LEKR1: variants seen among roughly 807,000 people sequenced by gnomAD.
LEKR1 encodes the protein leucine, glutamate and lysine rich 1.
Under a neutral mutation model 72.4 loss-of-function variants are expected in LEKR1, and 59 were observed. The ratio of observed to expected loss-of-function variants is 0.82; its 90% CI spans 0.66 to 1.01. LEKR1 has a LOEUF of 1.01. LEKR1 is among the 50% of genes least tolerant of loss of function. The probability of loss-of-function intolerance (pLI) is 0.00; values close to 1 mark genes in which losing one functional copy is unlikely to be tolerated. For missense variants in LEKR1, 728 were observed against 759.2 expected (o/e 0.96, Z 0.48); for synonymous variants, 257 against 263.2 (o/e 0.98, Z 0.23).
intron 3 of LEKR1, among the ~76,000 whole-genome samples, chr3:156,899,815 C>CGTATATATGTATATATATGTACATATGT (rs1560065194): frequency 6.8e-6 from 1 of 148,054 alleles, no homozygotes; most frequent in Non-Finnish European, 1.5e-5. Context: ...TACATATGTA[C>CGTATATATGTATATATATGTACATATGT]GTATATATGT....
intron 2 of LEKR1, among the ~76,000 whole-genome samples, chr3:156,844,998 G>T (rs993005430): frequency 4.7e-5 from 7 of 150,334 alleles, no homozygotes; most frequent in Non-Finnish European, 8.9e-5. Flanking sequence ...GAGTGATCCA[G>T]TTTCTCCACA....
At position 156,862,751 on chromosome 3, in the gene LEKR1, T is replaced by C. The variant is rs547437586; in HGVS notation, c.263+9769T>C. Among the ~76,000 whole-genome samples the C allele has an allele frequency of 1.4e-4, 21 of 152,180 alleles. No homozygotes were observed. The South Asian group carries it at 4.1e-3, about 30-fold the overall frequency. ...TATCCTAATCTCAGCTCTCCCACAA[T>C]TAATTCCAATTTAATTGGTGTTTTA... On this transcript the variant is annotated intron_variant, in intron 3 of 12. Coordinates refer to ENST00000356539, the MANE Select transcript of LEKR1 (RefSeq NM_001004316.3).
intron 7 of LEKR1, among the ~76,000 whole-genome samples, chr3:156,982,447 C>T (rs1306762513): frequency 2.6e-5 from 4 of 152,196 alleles, no homozygotes; most frequent in Non-Finnish European, 5.9e-5. Context: ...ACAGCATTCT[C>T]CTTATATTTC....
intron 3 of LEKR1, among the ~76,000 whole-genome samples, chr3:156,879,432 A>G (rs1328641208): frequency 6.6e-6 from 1 of 152,196 alleles, no homozygotes; most frequent in East Asian, 1.9e-4. Flanking sequence ...AAAGCATTCG[A>G]GAGGTTACTT....
chr3:156,871,029 A>G (rs534281276), intron 3 of LEKR1, among the ~76,000 whole-genome samples: 2 of 152,130 alleles, frequency 1.3e-5, no homozygotes, highest in East Asian at 3.9e-4. Context: ...ATATGTATAC[A>G]TGTGCCATGC....
chr3:156,979,270 G>T lies in LEKR1; in HGVS notation c.822G>T (p.Met274Ile), dbSNP rs200658547. ...AVTEMDNYKE[M>I]LMNKSNEADD... The stretch of plus-strand genomic sequence containing the variant: ...CAGAGATGGACAACTATAAAGAAAT[G>T]CTTATGTAAGATGGAGAATATTAAA... Residue 274 changes from methionine to isoleucine, a missense_variant, in exon 7 of 13, where the codon ATG becomes ATT. Coordinates refer to ENST00000356539, the MANE Select transcript of LEKR1 (RefSeq NM_001004316.3). 2.4e-6 allele frequency: 3 copies of T among 1,274,230 alleles called. No individual in the cohort carries two copies. The highest frequency in any genetic ancestry group is 2.5e-5 in the South Asian group (2 of 80,690). The allele number at this position is 1,274,230 out of a possible 1,614,324, so 78.9% of individuals were successfully genotyped here.
intron 12 of LEKR1, among the ~76,000 whole-genome samples, chr3:157,033,848 T>C (rs543658120): frequency 9.2e-5 from 14 of 152,294 alleles, no homozygotes; most frequent in Non-Finnish European, 2.1e-4. Context: ...TCTAATTCTC[T>C]CATTAGGAGA....
chr3:156,877,452 GT>G (rs1315607416), intron 3 of LEKR1, among the ~76,000 whole-genome samples: 3 of 151,900 alleles, frequency 2.0e-5, no homozygotes, highest in African/African-American at 4.8e-5. Context: ...TCCTGGATGT[GT>G]TTTTTTGTTG....
chr3:156,873,862 T>C lies in LEKR1; in HGVS notation c.263+20880T>C, dbSNP rs1436693029. Among the ~76,000 whole-genome samples, 6 of 152,112 alleles carry C rather than the reference T, an allele frequency of 3.9e-5. No homozygotes were observed. In the South Asian group the frequency reaches 1.0e-3, roughly 26 times the overall value. On this transcript the variant is annotated intron_variant, in intron 3 of 12. Coordinates refer to ENST00000356539, the MANE Select transcript of LEKR1 (RefSeq NM_001004316.3). The stretch of plus-strand genomic sequence containing the variant: ...GGCCCATAAAGTTTCTGCTGAGAAA[T>C]CTGCTATTAGTTTGATGGGGATTCC...
intron 3 of LEKR1, among the ~76,000 whole-genome samples, chr3:156,903,890 C>T (rs6795516): frequency 0.17 from 25,214 of 152,040 alleles, 2,492 homozygotes; most frequent in African/African-American, 0.26. Context: ...TCCACTTAGC[C>T]AGCTGGGTTG....
At position 157,021,705 on chromosome 3, in the gene LEKR1, A is replaced by T. The variant is rs528069789; in HGVS notation, c.1204-3055A>T. On this transcript the variant is annotated intron_variant, in intron 10 of 12. Coordinates refer to ENST00000356539, the MANE Select transcript of LEKR1 (RefSeq NM_001004316.3). ...CTACTAATTAACCACAGAAGATTTT[A>T]AAAAATACTTGATACCTTAGCACCT... Among the ~76,000 whole-genome samples the T allele has an allele frequency of 9.9e-4, 150 of 152,236 alleles. 1 individual carries two copies. The South Asian group carries it at 0.011, about 11-fold the overall frequency.
At chr3:157,007,612 A>G (rs1732563468) in intron 9 of LEKR1, among the ~76,000 whole-genome samples, 1 of 152,160 alleles carries the variant, frequency 6.6e-6, no homozygotes, top group Non-Finnish European at 1.5e-5. Context: ...CTGCCATTGA[A>G]ATGTGAGAGA....
intron 9 of LEKR1, among the ~76,000 whole-genome samples, chr3:156,996,116 T>G (rs896461029): frequency 1.3e-5 from 2 of 151,986 alleles, no homozygotes; most frequent in African/African-American, 2.4e-5. Flanking sequence ...GTACCCTGGG[T>G]ACATAGTACA....
intron 6 of LEKR1, among the ~76,000 whole-genome samples, chr3:156,962,873 T>G (rs1215229052): frequency 6.6e-6 from 1 of 152,186 alleles, no homozygotes; most frequent in Non-Finnish European, 1.5e-5. Flanking sequence ...TCCAACATCA[T>G]TTTCTTATTC....
intron 3 of LEKR1, among the ~76,000 whole-genome samples, chr3:156,893,134 G>A (rs28719920): frequency 0.039 from 5,867 of 152,238 alleles, 410 homozygotes; most frequent in African/African-American, 0.13. Context: ...TTGAAGAAAT[G>A]TAAAAGAAAT....
At chr3:156,914,405 CA>C (rs1723403018) in intron 3 of LEKR1, among the ~76,000 whole-genome samples, 1 of 152,132 alleles carries the variant, frequency 6.6e-6, no homozygotes, top group Non-Finnish European at 1.5e-5. Flanking sequence ...TGAGTGAGAA[CA>C]TGAGGTGTTT....
chr3:156,833,510 A>G (rs1712707072), intron 2 of LEKR1, among the ~76,000 whole-genome samples: 2 of 152,198 alleles, frequency 1.3e-5, no homozygotes, highest in South Asian at 4.1e-4. Context: ...ACTAAGTCAT[A>G]TTGAAATTAT....
chr3:156,886,108 ACT>A (rs1278962934), intron 3 of LEKR1, among the ~76,000 whole-genome samples: 1 of 150,842 alleles, frequency 6.6e-6, no homozygotes, highest in East Asian at 2.0e-4. Context: ...CTGGGTTCAG[ACT>A]CTTCATGGGT....
At chr3:157,013,924 T>C (rs1228615718) in intron 10 of LEKR1, among the ~76,000 whole-genome samples, 2 of 152,132 alleles carry the variant, frequency 1.3e-5, no homozygotes, top group Non-Finnish European at 2.9e-5. Context: ...GTGTCTGTGC[T>C]TAATTATTTT....
Sources: allele counts gnomAD v4.1 joint callset (sites outside exome capture counted in the v4.1 genomes callset), GRCh38; gene constraint gnomAD v4.1.1; transcripts MANE v1.5; gene names NCBI Gene and HGNC (gene_info 2026-07-23, HGNC 2026-07-21).